Variants in CLNK observed in about 807,000 individuals in gnomAD.
The protein encoded by CLNK is cytokine dependent hematopoietic cell linker.
A neutral mutation model predicts 68.6 loss-of-function variants in CLNK; 74 were observed. The ratio of observed to expected loss-of-function variants is 1.08; its 90% CI spans 0.89 to 1.31. The LOEUF is 1.31. Among genes scored for constraint, CLNK ranks in the 50% most tolerant of loss-of-function variants. The pLI is 0.00. For missense variants in CLNK, 553 were observed against 515.3 expected, an observed-to-expected ratio of 1.07 and a Z score of -0.71; for synonymous variants, 198 against 172.2, an observed-to-expected ratio of 1.15 and a Z score of -1.17.
intron 11 of CLNK, among the ~76,000 whole-genome samples, chr4:10,532,587 C>T (rs963600689): frequency 7.2e-5 from 11 of 152,184 alleles, no homozygotes; most frequent in South Asian, 2.1e-4. Flanking sequence ...TGATTTCCTA[C>T]GTCAAGTTTC....
chr4:10,626,080 G>A (rs567945763), intron 2 of CLNK, among the ~76,000 whole-genome samples: 11 of 152,340 alleles, frequency 7.2e-5, no homozygotes, highest in Admixed American at 1.3e-4. Flanking sequence ...GTTGGGGGTG[G>A]TGCTGGCTTC....
At chr4:10,731,875 G>A in the CLNK span, among the ~76,000 whole-genome samples, 1 of 152,196 alleles carries the variant, frequency 6.6e-6, no homozygotes, top group Admixed American at 6.5e-5. Context: ...TCTGAAGTTT[G>A]GTGAGTTTGA....
intron 2 of CLNK, among the ~76,000 whole-genome samples, chr4:10,638,431 C>T (rs899765152): frequency 5.3e-5 from 8 of 151,902 alleles, no homozygotes; most frequent in Non-Finnish European, 7.4e-5. Flanking sequence ...GTGGCTTTGG[C>T]GAAAAGCAGA....
intron 16 of CLNK, among the ~76,000 whole-genome samples, chr4:10,510,895 G>A (rs1434206655): frequency 6.6e-6 from 1 of 152,214 alleles, no homozygotes; most frequent in Non-Finnish European, 1.5e-5. Context: ...TTTGTTAAAT[G>A]TAATCCCAAC....
chr4:10,613,811 A>G (rs1722126375), intron 2 of CLNK, among the ~76,000 whole-genome samples: 1 of 152,320 alleles, frequency 6.6e-6, no homozygotes, highest in East Asian at 1.9e-4. Context: ...GGAAACCATT[A>G]AAAAAGCAAG....
intron 11 of CLNK, among the ~76,000 whole-genome samples, chr4:10,534,036 C>A (rs1217206618): frequency 6.6e-6 from 1 of 152,072 alleles, no homozygotes; most frequent in African/African-American, 2.4e-5. Context: ...GTTTGTTAAA[C>A]AGTTTTACTA....
intron 2 of CLNK, among the ~76,000 whole-genome samples, chr4:10,663,139 T>C (rs944350664): frequency 6.6e-6 from 1 of 152,226 alleles, no homozygotes; most frequent in African/African-American, 2.4e-5. Flanking sequence ...GAAGAGGTAC[T>C]GGAAACCAAA....
At chr4:10,632,703 A>G (rs1464789631) in intron 2 of CLNK, among the ~76,000 whole-genome samples, 3 of 152,214 alleles carry the variant, frequency 2.0e-5, no homozygotes, top group African/African-American at 7.2e-5. Context: ...GAATGTTCTT[A>G]CTATTGAAAA....
At chr4:10,574,890 G>A (rs1191277076) in intron 4 of CLNK, among the ~76,000 whole-genome samples, 1 of 152,118 alleles carries the variant, frequency 6.6e-6, no homozygotes, top group Non-Finnish European at 1.5e-5. Context: ...TGTACCCCCT[G>A]CTTGCTCAGT....
At chr4:10,675,388 T>C (rs1036664070) in intron 1 of CLNK, among the ~76,000 whole-genome samples, 2 of 152,200 alleles carry the variant, frequency 1.3e-5, no homozygotes, top group Non-Finnish European at 2.9e-5. Context: ...TCACGTGTCT[T>C]AATTCAAAAA....
intron 17 of CLNK, among the ~76,000 whole-genome samples, chr4:10,504,362 C>T (rs184785480): frequency 1.0e-3 from 154 of 152,084 alleles, no homozygotes; most frequent in African/African-American, 3.6e-3. Flanking sequence ...CCTCGAGATT[C>T]GCCCGCCTCG....
At chr4:10,526,501 A>C (rs536013432) in intron 13 of CLNK, among the ~76,000 whole-genome samples, 1 of 152,360 alleles carries the variant, frequency 6.6e-6, no homozygotes, top group South Asian at 2.1e-4. Context: ...TGGCTAAAAA[A>C]GACCTTTCTG....
the CLNK span, among the ~76,000 whole-genome samples, chr4:10,710,129 G>C: frequency 0.028 from 4,323 of 152,300 alleles, 91 homozygotes; most frequent in East Asian, 0.1. Context: ...CTGTTAATAA[G>C]TACAACAAAG....
At chr4:10,553,035 G>C (rs1719522313) in intron 8 of CLNK, among the ~76,000 whole-genome samples, 1 of 143,634 alleles carries the variant, frequency 7.0e-6, no homozygotes, top group Admixed American at 7.2e-5. Flanking sequence ...CTCCCCCAGG[G>C]ACTGGCAGGA....
chr4:10,542,133 A>C, intron 9 of CLNK, 92 bp from the exon 10 acceptor site: 1 of 1,268,554 alleles, frequency 7.9e-7, no homozygotes, highest in Non-Finnish European at 1.1e-6. Context: ...TAGAAATTAC[A>C]AATTGTGATC....
chr4:10,507,181 G>A (rs573383559), intron 17 of CLNK, among the ~76,000 whole-genome samples: 82 of 148,742 alleles, frequency 5.5e-4, no homozygotes, highest in African/African-American at 1.9e-3. Flanking sequence ...GCACAATCTC[G>A]GCTCACAGCA....
rs187247735 is a variant in CLNK at position 10,637,575 on chromosome 4, C to A, written c.11+30284G>T. Among the ~76,000 whole-genome samples the A allele has an allele frequency of 4.1e-3, 600 of 146,058 alleles. 5 individuals are homozygous for A. Among genetic ancestry groups the A allele is most frequent in the African/African-American group, 0.014 (574 of 39,658 alleles). The stretch of plus-strand genomic sequence containing the variant: ...ACTCCCAGCTCCTGGAACATGCCCA[C>A]CATTCCTCTTTTTTTTTTTTTTTTT... On this transcript the variant is annotated intron_variant, in intron 2 of 18. Coordinates refer to ENST00000226951, the MANE Select transcript of CLNK (RefSeq NM_052964.4).
At chr4:10,707,862 T>C in the CLNK span, among the ~76,000 whole-genome samples, 2 of 152,036 alleles carry the variant, frequency 1.3e-5, no homozygotes, top group Non-Finnish European at 2.9e-5. Context: ...TCTCACAACA[T>C]AGAGGTAAAG....
intron 2 of CLNK, among the ~76,000 whole-genome samples, chr4:10,628,578 G>A (rs1722766185): frequency 6.6e-6 from 1 of 152,132 alleles, no homozygotes; most frequent in African/African-American, 2.4e-5. Context: ...GGGGCTGAGG[G>A]GCCTTGGAGG....
Sources: gnomAD v4.1 joint callset for allele counts (sites outside exome capture counted in the v4.1 genomes callset) on GRCh38, gnomAD v4.1.1 for gene constraint, MANE v1.5 for transcripts, NCBI Gene and HGNC (gene_info 2026-07-23, HGNC 2026-07-21) for gene names.